The following NUCKS1 variants were observed in gnomAD, a reference collection of about 807,000 sequenced individuals.
NUCKS1 encodes the protein nuclear casein kinase and cyclin dependent kinase substrate 1, also known as nuclear ubiquitous casein and cyclin-dependent kinase substrate 1.
Under a neutral mutation model 33.0 loss-of-function variants are expected in NUCKS1, and 2 were observed. The ratio of observed to expected loss-of-function variants is 0.06; its 90% CI spans 0.02 to 0.19. The LOEUF (loss-of-function observed/expected upper bound fraction) is 0.19. Ranked by LOEUF, NUCKS1 falls within the 10% of genes least tolerant of loss-of-function variation. NUCKS1 has a pLI of 1.00. For synonymous variants in NUCKS1, 106 were observed against 102.8 expected (o/e 1.03, Z -0.19); for missense variants, 201 against 293.6 (o/e 0.68, Z 2.31).
At position 205,719,722 on chromosome 1, in the gene NUCKS1, C is replaced by T. The variant is rs1253216389; in HGVS notation, c.383-46G>A. Reference sequence around the variant, plus strand: ...CAACATCTAACTTAATGTACACATCCTTCCAAGTAAAAAAGGAAGAGAGTG... The same window carrying T: ...CAACATCTAACTTAATGTACACATCTTTCCAAGTAAAAAAGGAAGAGAGTG... On this transcript the variant is annotated intron_variant, in intron 5 of 6. Transcript: ENST00000367142. 2.5e-6 allele frequency: 4 copies of T among 1,576,850 alleles called. No homozygotes were observed. In the African/African-American group the frequency reaches 4.1e-5, roughly 16 times the overall value.
At position 205,717,246 on chromosome 1, in the gene NUCKS1, T is replaced by C; in HGVS notation, c.*1034A>G. ...TGCACATTTATAGCATAAAAGAATG[T>C]CAATTCTATTTCATAAAGGAAAAAT... On this transcript the variant is annotated 3_prime_UTR_variant, in exon 7 of 7. Transcript: ENST00000367142. The C allele has an allele frequency of 2.2e-6, 2 of 896,306 alleles. No individual in the cohort carries two copies. Among genetic ancestry groups the C allele is most frequent in the Non-Finnish European group, 2.7e-6 (2 of 746,880 alleles). The allele number at this position is 896,306 out of a possible 1,614,324, so 55.5% of individuals were successfully genotyped here.
intron 1 of NUCKS1, among the ~76,000 whole-genome samples, chr1:205,748,240 C>G (rs1040810374): frequency 6.6e-6 from 1 of 152,064 alleles, no homozygotes; most frequent in African/African-American, 2.4e-5. Context: ...AAAACAAATT[C>G]AGGCAGATGA....
intron 1 of NUCKS1, among the ~76,000 whole-genome samples, chr1:205,742,934 A>C (rs1377482311): frequency 2.0e-5 from 3 of 152,258 alleles, no homozygotes; most frequent in African/African-American, 7.2e-5. Flanking sequence ...CAATCCAAAA[A>C]GCTACTTCTG....
intron 4 of NUCKS1, among the ~76,000 whole-genome samples, chr1:205,721,054 G>A (rs1183204806): frequency 9.4e-5 from 13 of 138,002 alleles, no homozygotes; most frequent in African/African-American, 3.2e-4. Context: ...AGTGGGAGCT[G>A]AACAATGAGA....
At chr1:205,743,202 CAA>C (rs938691216) in intron 1 of NUCKS1, among the ~76,000 whole-genome samples, 19 of 152,276 alleles carry the variant, frequency 1.2e-4, no homozygotes, top group Admixed American at 7.2e-4. Context: ...CCCCAAAAAC[CAA>C]AAACTTTTAT....
At chr1:205,740,018 T>TTTG (rs1553252840) in intron 1 of NUCKS1, among the ~76,000 whole-genome samples, 40 of 146,182 alleles carry the variant, frequency 2.7e-4, no homozygotes, top group Non-Finnish European at 5.1e-4. Context: ...TTTTTTTTTT[T>TTTG]GAGAGACAGT....
At chr1:205,744,470 A>C (rs1654261915) in intron 1 of NUCKS1, among the ~76,000 whole-genome samples, 1 of 152,058 alleles carries the variant, frequency 6.6e-6, no homozygotes, top group Non-Finnish European at 1.5e-5. Context: ...ATTTTTTTTC[A>C]GCTCATGCTG....
intron 1 of NUCKS1, among the ~76,000 whole-genome samples, chr1:205,743,387 C>T (rs980204560): frequency 1.3e-5 from 2 of 152,152 alleles, no homozygotes; most frequent in Non-Finnish European, 2.9e-5. Context: ...TTTCCTGATA[C>T]CCAGGGCTTC....
At chr1:205,722,948 A>G (rs1254107068) in intron 4 of NUCKS1, among the ~76,000 whole-genome samples, 4 of 152,242 alleles carry the variant, frequency 2.6e-5, no homozygotes, top group African/African-American at 9.6e-5. Flanking sequence ...CACTTGGTAG[A>G]AGCTTAGCTT....
At chr1:205,738,377 C>A (rs1014369511) in intron 1 of NUCKS1, among the ~76,000 whole-genome samples, 12 of 151,776 alleles carry the variant, frequency 7.9e-5, no homozygotes, top group Non-Finnish European at 1.6e-4. Flanking sequence ...GGCTGGACTG[C>A]AGTGGCTCAC....
chr1:205,719,940 T>C (rs978778487), intron 5 of NUCKS1, among the ~76,000 whole-genome samples: 3 of 152,210 alleles, frequency 2.0e-5, no homozygotes, highest in African/African-American at 7.2e-5. Flanking sequence ...AGAGTTAATC[T>C]GAATAAAAAC....
intron 4 of NUCKS1, among the ~76,000 whole-genome samples, chr1:205,722,936 C>A (rs984872632): frequency 2.0e-5 from 3 of 152,182 alleles, no homozygotes; most frequent in Admixed American, 6.5e-5. Context: ...CAAAACTAAA[C>A]CCACTTGGTA....
chr1:205,723,481 A>G (rs888693814), intron 4 of NUCKS1, among the ~76,000 whole-genome samples: 11 of 152,166 alleles, frequency 7.2e-5, no homozygotes, highest in African/African-American at 2.7e-4. Flanking sequence ...TGTCTCCACT[A>G]AAAAGAGTGG....
chr1:205,745,747 T>C (rs1308712653), intron 1 of NUCKS1, among the ~76,000 whole-genome samples: 1 of 152,192 alleles, frequency 6.6e-6, no homozygotes, highest in Non-Finnish European at 1.5e-5. Flanking sequence ...TCTGCTATCA[T>C]AGCTCTGTAA....
intron 1 of NUCKS1, among the ~76,000 whole-genome samples, chr1:205,743,272 AG>A (rs1048048986): frequency 4.2e-4 from 64 of 152,218 alleles, no homozygotes; most frequent in African/African-American, 1.4e-3. Context: ...GAAGCCAGTG[AG>A]AAAAAGTTTT....
In NUCKS1 at chr1:205,715,869, A is replaced by C. The variant is rs944150791; in HGVS notation, c.*2411T>G. ...GTAATGCGTCCTGACATCACTATCA[A>C]GCCTGACTATTGAGCACCTGTATCC... On this transcript the variant is annotated 3_prime_UTR_variant, in exon 7 of 7. Coordinates refer to ENST00000367142, the MANE Select transcript of NUCKS1 (RefSeq NM_022731.5). 2 of 152,244 alleles carry C rather than the reference A, an allele frequency of 1.3e-5. No homozygotes were observed. Among genetic ancestry groups the C allele is most frequent in the African/African-American group, 4.8e-5 (2 of 41,468 alleles). The allele number at this position is 152,244 out of a possible 1,614,324, so 9.4% of individuals were successfully genotyped here.
At chr1:205,749,168 G>GA (rs1411767383) in intron 1 of NUCKS1, among the ~76,000 whole-genome samples, 2 of 152,240 alleles carry the variant, frequency 1.3e-5, no homozygotes, top group African/African-American at 2.4e-5. Context: ...GGGCCGTGCT[G>GA]TTAACCCGCA....
Position 205,718,113 on chromosome 1 carries a change from G to C in NUCKS1, c.*167C>G. 8.1e-7 allele frequency: 1 copy of C among 1,228,530 alleles called. No individual in the cohort carries two copies. Among genetic ancestry groups the C allele is most frequent in the Non-Finnish European group, 1.0e-6 (1 of 985,750 alleles). The allele number at this position is 1,228,530 out of a possible 1,614,324, so 76.1% of individuals were successfully genotyped here. On this transcript the variant is annotated 3_prime_UTR_variant, in exon 7 of 7. Transcript: ENST00000367142. ...AAAAAAAAAAAAAAAAAGAGAGAGAGAGAGAAATGTTACTTTCAACAAATG... is the reference window on the plus strand; with the variant it reads ...AAAAAAAAAAAAAAAAAGAGAGAGACAGAGAAATGTTACTTTCAACAAATG...
Position 205,719,690 on chromosome 1 carries a change from A to C in NUCKS1, c.383-14T>G. 6.2e-7 allele frequency: 1 copy of C among 1,603,756 alleles called. No individual in the cohort carries two copies. Among genetic ancestry groups the C allele is most frequent in the Non-Finnish European group, 8.5e-7 (1 of 1,177,284 alleles). ...TGCCGGAATCTTCTGAGAAGAAAGAAGAATTTCAACATCTAACTTAATGTA... is the reference window on the plus strand; with the variant it reads ...TGCCGGAATCTTCTGAGAAGAAAGACGAATTTCAACATCTAACTTAATGTA... On this transcript the variant is annotated splice_polypyrimidine_tract_variant and intron_variant, in intron 5 of 6. Coordinates refer to ENST00000367142, the MANE Select transcript of NUCKS1 (RefSeq NM_022731.5).
Sources: gnomAD v4.1 joint callset for allele counts (sites outside exome capture counted in the v4.1 genomes callset) on GRCh38, gnomAD v4.1.1 for gene constraint, MANE v1.5 for transcripts, NCBI Gene and HGNC (gene_info 2026-07-23, HGNC 2026-07-21) for gene names.